The following CPQ variants were observed in gnomAD, a reference collection of about 807,000 sequenced individuals.
CPQ encodes the protein Ser-Met dipeptidase.
A neutral mutation model predicts 45.7 loss-of-function variants in CPQ; 37 were observed. The ratio of observed to expected loss-of-function variants is 0.81; its 90% confidence interval spans 0.62 to 1.07. The LOEUF is 1.07. CPQ is among the 50% of genes least tolerant of loss of function. The pLI is 0.00. For synonymous variants in CPQ, 186 were observed against 205.8 expected (o/e 0.90, Z 0.82); for missense variants, 537 against 572.9 (o/e 0.94, Z 0.64).
intron 1 of CPQ, among the ~76,000 whole-genome samples, chr8:96,723,129 T>C (rs971120666): frequency 6.6e-6 from 1 of 152,202 alleles, no homozygotes; most frequent in African/African-American, 2.4e-5. Flanking sequence ...TATAATTATG[T>C]TTTTATTTTA....
chr8:96,763,205 A>G (rs1353470331), intron 1 of CPQ, among the ~76,000 whole-genome samples: 3 of 152,198 alleles, frequency 2.0e-5, no homozygotes, highest in Non-Finnish European at 4.4e-5. Context: ...TTCCAAATGC[A>G]GTCATATTCT....
intron 1 of CPQ, among the ~76,000 whole-genome samples, chr8:96,744,670 A>T (rs945725910): frequency 1.3e-5 from 2 of 152,158 alleles, no homozygotes; most frequent in Admixed American, 6.5e-5. Context: ...TATAAATTTG[A>T]CATTAAATTT....
chr8:96,929,027 C>T (rs1180068666), intron 4 of CPQ, among the ~76,000 whole-genome samples: 1 of 152,066 alleles, frequency 6.6e-6, no homozygotes, highest in African/African-American at 2.4e-5. Flanking sequence ...GGATCCTCTC[C>T]CCAGCCAACG....
chr8:96,935,650 C>T (rs776568636), intron 4 of CPQ, among the ~76,000 whole-genome samples: 36 of 152,100 alleles, frequency 2.4e-4, no homozygotes, highest in Non-Finnish European at 7.4e-5. Context: ...AAGGACTGTA[C>T]GTGTTTTAGT....
At chr8:96,874,286 A>G (rs1430794511) in intron 3 of CPQ, among the ~76,000 whole-genome samples, 1 of 151,858 alleles carries the variant, frequency 6.6e-6, no homozygotes, top group East Asian at 1.9e-4. Context: ...TAGGATTCTT[A>G]TTTTGACTTT....
intron 1 of CPQ, among the ~76,000 whole-genome samples, chr8:96,711,148 G>C (rs1224504574): frequency 6.6e-6 from 1 of 151,774 alleles, no homozygotes; most frequent in Non-Finnish European, 1.5e-5. Context: ...AGCTACTCCT[G>C]CTTGCATTTA....
chr8:96,974,876 G>T lies in CPQ; in HGVS notation c.961+8830G>T, dbSNP rs150480056. Among the ~76,000 whole-genome samples, 1,520 of 152,056 alleles carry T rather than the reference G, an allele frequency of 1.0e-2. 28 individuals are homozygous for T. Among genetic ancestry groups the T allele is most frequent in the African/African-American group, 0.035 (1,457 of 41,492 alleles). On this transcript the variant is annotated intron_variant, in intron 5 of 7. Transcript: ENST00000220763. ...GATACAGCAAAACTGGTGCTAAGAGGAAAGTTCATAGCATTAAATGCCTAA... is the reference window on the plus strand; with the variant it reads ...GATACAGCAAAACTGGTGCTAAGAGTAAAGTTCATAGCATTAAATGCCTAA...
chr8:96,810,176 C>T (rs1046705218), intron 2 of CPQ, among the ~76,000 whole-genome samples: 13 of 152,306 alleles, frequency 8.5e-5, no homozygotes, highest in African/African-American at 2.9e-4. Context: ...CATTGGGGCT[C>T]ATTTGGGTAT....
At chr8:96,828,533 T>C (rs748551612) in intron 2 of CPQ, among the ~76,000 whole-genome samples, 1 of 151,938 alleles carries the variant, frequency 6.6e-6, no homozygotes, top group Non-Finnish European at 1.5e-5. Flanking sequence ...CCCATTTTAG[T>C]CTACTGTAGC....
chr8:96,911,688 A>T (rs1490090162), intron 4 of CPQ, among the ~76,000 whole-genome samples: 2 of 152,228 alleles, frequency 1.3e-5, no homozygotes, highest in African/African-American at 4.8e-5. Context: ...ACAAAACTAA[A>T]TCTTTTAATC....
intron 6 of CPQ, among the ~76,000 whole-genome samples, chr8:97,053,805 C>A (rs1187545562): frequency 6.6e-6 from 1 of 152,086 alleles, no homozygotes; most frequent in African/African-American, 2.4e-5. Context: ...AAGATAATAG[C>A]CTAGGCAAGA....
At chr8:96,956,990 T>G (rs867013410) in intron 4 of CPQ, among the ~76,000 whole-genome samples, 1 of 152,236 alleles carries the variant, frequency 6.6e-6, no homozygotes, top group African/African-American at 2.4e-5. Flanking sequence ...CACTCTGTCC[T>G]GCAGCTTGCG....
chr8:96,927,489 C>T (rs1008022803), intron 4 of CPQ, among the ~76,000 whole-genome samples: 1 of 152,142 alleles, frequency 6.6e-6, no homozygotes, highest in African/African-American at 2.4e-5. Context: ...AAAGGCCAAG[C>T]CCCAGGGGCT....
chr8:96,888,679 T>G (rs1189530864), intron 4 of CPQ, among the ~76,000 whole-genome samples: 1 of 152,234 alleles, frequency 6.6e-6, no homozygotes, highest in South Asian at 2.1e-4. Flanking sequence ...TTTAATGTGC[T>G]GATGTGCACT....
intron 3 of CPQ, among the ~76,000 whole-genome samples, chr8:96,844,552 A>G (rs1393994476): frequency 6.6e-6 from 1 of 152,262 alleles, no homozygotes; most frequent in East Asian, 1.9e-4. Context: ...CATGTGGAGA[A>G]CAATGTTTAC....
At chr8:96,930,354 T>C (rs560402245) in intron 4 of CPQ, among the ~76,000 whole-genome samples, 11 of 152,146 alleles carry the variant, frequency 7.2e-5, no homozygotes, top group African/African-American at 2.7e-4. Flanking sequence ...ATCCAAAGAG[T>C]TGGTTGAGAT....
At chr8:96,661,306 C>T (rs1032973236) in intron 1 of CPQ, among the ~76,000 whole-genome samples, 7 of 152,032 alleles carry the variant, frequency 4.6e-5, no homozygotes, top group African/African-American at 1.4e-4. Flanking sequence ...CAGAGTGGTA[C>T]ATTCGTTGCA....
At chr8:97,015,752 G>A (rs1416409867) in intron 5 of CPQ, among the ~76,000 whole-genome samples, 1 of 151,972 alleles carries the variant, frequency 6.6e-6, no homozygotes, top group Non-Finnish European at 1.5e-5. Context: ...TTAAGAACTT[G>A]TCCCAAGAAT....
chr8:96,906,063 C>T (rs1812571598), intron 4 of CPQ, among the ~76,000 whole-genome samples: 6 of 146,972 alleles, frequency 4.1e-5, no homozygotes, highest in Admixed American at 4.0e-4. Flanking sequence ...ATGCAGATTC[C>T]TGCCACAGCC....
Sources: allele counts gnomAD v4.1 joint callset (sites outside exome capture counted in the v4.1 genomes callset), GRCh38; gene constraint gnomAD v4.1.1; transcripts MANE v1.5; gene names NCBI Gene and HGNC (gene_info 2026-07-23, HGNC 2026-07-21).